FMN2: variants seen among roughly 807,000 people sequenced by gnomAD.
The protein encoded by FMN2 is formin 2.
FMN2 carries 51 observed loss-of-function variants against 142.3 expected under a neutral mutation model. The observed-to-expected ratio is 0.36, with a 90% CI of 0.29 to 0.45. The LOEUF (loss-of-function observed/expected upper bound fraction) is 0.45, where lower values mean the gene tolerates loss of function less well. Ranked by LOEUF, FMN2 falls within the 20% of genes least tolerant of loss-of-function variation. The pLI is 1.00. For synonymous variants in FMN2, 882 were observed against 869.8 expected, an observed-to-expected ratio of 1.01 and a Z score of -0.25; for missense variants, 1,936 against 2,122.8, an observed-to-expected ratio of 0.91 and a Z score of 1.73.
intron 14 of FMN2, among the ~76,000 whole-genome samples, chr1:240,380,364 A>G (rs73128203): frequency 0.15 from 22,449 of 152,084 alleles, 1,696 homozygotes; most frequent in East Asian, 0.2. Flanking sequence ...TGGAAATTCA[A>G]CAACTTGCTC....
chr1:240,267,514 C>T (rs1347511330), intron 7 of FMN2, among the ~76,000 whole-genome samples: 4 of 151,298 alleles, frequency 2.6e-5, no homozygotes, highest in South Asian at 2.1e-4. Context: ...GGGAGAGGAT[C>T]GGGAAAAATA....
chr1:240,307,168 G>A (rs908165380), intron 8 of FMN2, among the ~76,000 whole-genome samples: 1 of 152,114 alleles, frequency 6.6e-6, no homozygotes, highest in Non-Finnish European at 1.5e-5. Flanking sequence ...TGCATAGTTT[G>A]CAAATATTTT....
In FMN2 at chr1:240,092,257, A is replaced by C. The variant is rs534567846; in HGVS notation, c.148A>C (p.Lys50Gln). 6.0e-5 allele frequency: 59 copies of C among 975,328 alleles called. No homozygotes were observed. In the Admixed American group the frequency reaches 6.3e-4, roughly 10 times the overall value. 60.4% of individuals were successfully genotyped at this position (975,328 alleles called of 1,614,324 possible). Residue 50 changes from lysine (K) to glutamine (Q), a missense_variant, in exon 1 of 18, where the codon AAG becomes CAG. Transcript: ENST00000319653. Reference protein sequence around the residue: ...GGKKALGKHGKGGGGGGGGGE... With the variant: ...GGKKALGKHGQGGGGGGGGGE... ...CAAGAAGGCGCTAGGCAAGCACGGC[A>C]AGGGGGGAGGGGGCGGCGGCGGCGG...
At chr1:240,429,701 T>A (rs1167087289) in intron 15 of FMN2, among the ~76,000 whole-genome samples, 1 of 152,148 alleles carries the variant, frequency 6.6e-6, no homozygotes, top group African/African-American at 2.4e-5. Context: ...CTTTTGTCAC[T>A]TATTTTTTTA....
chr1:240,104,513 C>G (rs527949331), intron 1 of FMN2, among the ~76,000 whole-genome samples: 1 of 152,300 alleles, frequency 6.6e-6, no homozygotes, highest in African/African-American at 2.4e-5. Context: ...ATTTTCACTT[C>G]CCATTCCGAA....
chr1:240,317,285 C>A (rs966712098), intron 8 of FMN2, among the ~76,000 whole-genome samples: 1 of 149,842 alleles, frequency 6.7e-6, no homozygotes, highest in Admixed American at 6.7e-5. Context: ...CACTGCACTC[C>A]AGCCTGGGGA....
At chr1:240,283,500 T>G (rs563838797) in intron 7 of FMN2, among the ~76,000 whole-genome samples, 1 of 152,302 alleles carries the variant, frequency 6.6e-6, no homozygotes, top group African/African-American at 2.4e-5. Context: ...TTCTTAAGGT[T>G]ACCTATTATG....
intron 15 of FMN2, among the ~76,000 whole-genome samples, chr1:240,435,338 C>A (rs1675329090): frequency 6.6e-6 from 1 of 150,640 alleles, no homozygotes; most frequent in African/African-American, 2.4e-5. Flanking sequence ...ATTGAATAAT[C>A]AGAATAATTA....
At chr1:240,133,785 C>G (rs1252709248) in intron 2 of FMN2, among the ~76,000 whole-genome samples, 1 of 152,188 alleles carries the variant, frequency 6.6e-6, no homozygotes, top group Non-Finnish European at 1.5e-5. Context: ...TCTCAGTCTG[C>G]ATTTTCTCTC....
In FMN2 at chr1:240,260,567, A is replaced by G. The variant is rs146532422; in HGVS notation, c.4153+2535A>G. ...GTATATCTTCTTTTGAGAATTGTCT[A>G]TTTATATCCTTAGCCCACTTTTTGA... On this transcript the variant is annotated intron_variant, in intron 7 of 17. Coordinates refer to ENST00000319653, the MANE Select transcript of FMN2 (RefSeq NM_020066.5). Among the ~76,000 whole-genome samples the G allele has an allele frequency of 7.9e-3, 1,205 of 152,002 alleles. 12 individuals are homozygous for G. The highest frequency in any genetic ancestry group is 0.028 in the African/African-American group (1,162 of 41,448).
At chr1:240,187,152 C>A (rs1293658768) in intron 3 of FMN2, among the ~76,000 whole-genome samples, 1 of 149,940 alleles carries the variant, frequency 6.7e-6, no homozygotes, top group Middle Eastern at 3.2e-3. Context: ...TGCCTATAAT[C>A]CCAGCTATTC....
In FMN2 at chr1:240,211,156, AG is replaced by A. The variant is rs1161797936; in HGVS notation, c.3988del (p.Glu1330AsnfsTer8). 6.2e-7 allele frequency: 1 copy of A among 1,613,438 alleles called. No individual in the cohort carries two copies. Among genetic ancestry groups the A allele is most frequent in the Non-Finnish European group, 8.5e-7 (1 of 1,179,712 alleles). On this transcript the variant is annotated frameshift_variant, in exon 6 of 18. Transcript: ENST00000319653. LOFTEE classifies it high-confidence loss of function. ...EEPSIDCHEFEELFSKTAVKE... is the reference protein window; with the variant it reads ...EEPSIDCHEFXELFSKTAVKE... The stretch of plus-strand genomic sequence containing the variant: ...CCATCCATAGATTGTCATGAATTTG[AG>A]GAATTATTTTCTAAAACTGCTGTAA...
chr1:240,107,768 T>C (rs1661668492), intron 1 of FMN2, among the ~76,000 whole-genome samples: 1 of 152,206 alleles, frequency 6.6e-6, no homozygotes, highest in Non-Finnish European at 1.5e-5. Flanking sequence ...AAAAAATCCC[T>C]TGATGCTAGT....
In FMN2 at chr1:240,113,583, G is replaced by T. The variant is rs1226705581; in HGVS notation, c.1616-9596G>T. On this transcript the variant is annotated intron_variant, in intron 1 of 17. Coordinates refer to ENST00000319653, the MANE Select transcript of FMN2 (RefSeq NM_020066.5). ...AAAAAAAAAAAAAAAAAAAAAATAA[G>T]GTTGTGTTTAAGGCTTCAGGGCAGT... 7.4e-5 allele frequency among the ~76,000 whole-genome samples: 10 copies of T among 134,264 alleles called. No individual in the cohort carries two copies. In the Admixed American group the frequency reaches 7.6e-4, roughly 10 times the overall value. The allele number at this position is 134,264 out of a possible 152,430, so 88.1% of individuals were successfully genotyped here. A position where few individuals can be genotyped will look rare whatever the true frequency, so the allele number is the denominator to read the frequency against.
intron 1 of FMN2, among the ~76,000 whole-genome samples, chr1:240,104,677 A>T (rs1306753157): frequency 6.6e-6 from 1 of 152,172 alleles, no homozygotes; most frequent in East Asian, 1.9e-4. Flanking sequence ...AACAAAACAA[A>T]ACTCAACCAC....
At chr1:240,105,240 C>G (rs2103183974) in intron 1 of FMN2, among the ~76,000 whole-genome samples, 1 of 150,524 alleles carries the variant, frequency 6.6e-6, no homozygotes, top group African/African-American at 2.4e-5. Context: ...TCCTGAGTAG[C>G]TGGGATTACA....
chr1:240,209,326 C>T (rs903383334), intron 5 of FMN2, among the ~76,000 whole-genome samples: 10 of 151,430 alleles, frequency 6.6e-5, no homozygotes, highest in African/African-American at 2.4e-4. Context: ...CCTCGGCCCA[C>T]TGCAAGCTCC....
At position 240,182,719 on chromosome 1, in the gene FMN2, A is replaced by AT. The variant is rs547866575; in HGVS notation, c.1930+4656dup. On this transcript the variant is annotated intron_variant, in intron 3 of 17. Coordinates refer to ENST00000319653, the MANE Select transcript of FMN2 (RefSeq NM_020066.5). ...GAAATGTATCTCATAAGGATCTGCCATTTTTAAAGGTAATTGGAAATTTAG... is the reference window on the plus strand; with the variant it reads ...GAAATGTATCTCATAAGGATCTGCCATTTTTTAAAGGTAATTGGAAATTTAG... Among the ~76,000 whole-genome samples the AT allele has an allele frequency of 7.2e-5, 11 of 152,292 alleles. No homozygotes were observed. The South Asian group carries it at 2.3e-3, about 32-fold the overall frequency.
chr1:240,111,544 T>C (rs1661807335), intron 1 of FMN2, among the ~76,000 whole-genome samples: 3 of 152,084 alleles, frequency 2.0e-5, no homozygotes, highest in Non-Finnish European at 4.4e-5. Flanking sequence ...TAAACTGTCA[T>C]GGCACTGGTG....
Sources: gnomAD v4.1 joint callset for allele counts (sites outside exome capture counted in the v4.1 genomes callset) on GRCh38, gnomAD v4.1.1 for gene constraint, MANE v1.5 for transcripts, NCBI Gene and HGNC (gene_info 2026-07-23, HGNC 2026-07-21) for gene names.